STARD9: variants seen among roughly 807,000 people sequenced by gnomAD.
STARD9 encodes the protein StAR related lipid transfer domain containing 9, also known as stAR-related lipid transfer protein 9.
STARD9 carries 346 observed loss-of-function variants against 399.8 expected under a neutral mutation model. The observed-to-expected ratio is 0.87, with a 90% CI of 0.79 to 0.95. The LOEUF is 0.95. Among genes scored for constraint, STARD9 ranks in the 40% least tolerant of loss-of-function variants. The pLI, the probability that STARD9 is intolerant of heterozygous loss-of-function variation, is 0.00. For synonymous variants in STARD9, 2,203 were observed against 2,143.5 expected (o/e 1.03, Z -0.77); for missense variants, 5,832 against 5,667.5 (o/e 1.03, Z -0.93).
intron 26 of STARD9, among the ~76,000 whole-genome samples, chr15:42,714,608 C>G (rs1358811055): frequency 1.3e-5 from 2 of 152,106 alleles, no homozygotes; most frequent in Middle Eastern, 3.4e-3. Context: ...TTCCTTGATT[C>G]AATTGTTGAG....
chr15:42,695,280 A>G lies in STARD9; in HGVS notation c.13103A>G (p.Glu4368Gly), dbSNP rs1254032832. ...CAACTGCGGGAGCGGACTGAACAAG[A>G]GAAGCTGAGAATCCACCAGAAGATC... ...RDQLRERTEQ[E>G]KLRIHQKIIS... Residue 4368 changes from glutamate (E) to glycine (G), a missense_variant, in exon 25 of 33, where the codon GAG becomes GGG. Glu to Gly is a moderately conservative substitution (Grantham distance 98). Around this residue, in one of 2 missense-constraint regions of STARD9, gnomAD observed 5,828 missense variants for 5,651.1 expected, o/e 1.03. Coordinates refer to ENST00000290607, the MANE Select transcript of STARD9 (RefSeq NM_020759.3). The G allele has an allele frequency of 6.5e-7, 1 of 1,536,940 alleles. No individual in the cohort carries two copies. Among genetic ancestry groups the G allele is most frequent in the South Asian group, 1.2e-5 (1 of 84,014 alleles).
chr15:42,700,422 C>T lies in STARD9; in HGVS notation c.13284+4542C>T, dbSNP rs981333207. 5.3e-5 allele frequency among the ~76,000 whole-genome samples: 8 copies of T among 152,172 alleles called. No homozygotes were observed. The East Asian group carries it at 7.7e-4, about 15-fold the overall frequency. On this transcript the variant is annotated intron_variant, in intron 26 of 32. Coordinates refer to ENST00000290607, the MANE Select transcript of STARD9 (RefSeq NM_020759.3). ...GCAGTGTATAAGAGTTCCCCTTTGT[C>T]GACATCCTTACCAGCATTTGTTGTT...
Position 42,712,387 on chromosome 15 carries a change from T to G in STARD9, c.13285-4290T>G, listed in dbSNP as rs1018679884. 2.0e-5 allele frequency among the ~76,000 whole-genome samples: 3 copies of G among 151,378 alleles called. No homozygotes were observed. In the South Asian group the frequency reaches 6.2e-4, roughly 31 times the overall value. ...TTTGGTTTCATATCTAAGAAACGAG[T>G]GCCTAATCCAGGATCACAAAGATTA... On this transcript the variant is annotated intron_variant, in intron 26 of 32. Coordinates refer to ENST00000290607, the MANE Select transcript of STARD9 (RefSeq NM_020759.3).
In STARD9 at chr15:42,694,529, CAAA is replaced by C. The variant is rs771914496; in HGVS notation, c.12771_12773del (p.Lys4258del). ...TCAGCGAATCGTGTTTTGCCTCAGGCAAAAAAAGGCCATTGAGACCCTCAGGAG... is the reference window on the plus strand; with the variant it reads ...TCAGCGAATCGTGTTTTGCCTCAGGCAAAAGGCCATTGAGACCCTCAGGAG... On this transcript the variant is annotated inframe_deletion and splice_region_variant, in exon 24 of 33. Coordinates refer to ENST00000290607, the MANE Select transcript of STARD9 (RefSeq NM_020759.3). The C allele has an allele frequency of 4.6e-6, 7 of 1,536,436 alleles. No individual in the cohort carries two copies. In the East Asian group the frequency reaches 7.3e-5, roughly 16 times the overall value.
At position 42,652,529 on chromosome 15, in the gene STARD9, A is replaced by G; in HGVS notation, c.639A>G (p.Ala213=). The G allele has an allele frequency of 1.3e-6, 2 of 1,537,478 alleles. No homozygotes were observed. The highest frequency in any genetic ancestry group is 1.7e-6 in the Non-Finnish European group (2 of 1,146,952). Residue 213 remains alanine (A), a synonymous_variant, in exon 9 of 33, where the codon GCA becomes GCG. Transcript: ENST00000290607. ...LEEGIANRIT[A]ATHVHEASSR... ...TTCCTTGTATACACAGAATCACAGC[A>G]GCCACCCATGTTCATGAGGCCAGCA... is the stretch of plus-strand genomic sequence containing the variant.
At chr15:42,696,974 C>T (rs892469907) in intron 26 of STARD9, among the ~76,000 whole-genome samples, 2 of 152,122 alleles carry the variant, frequency 1.3e-5, no homozygotes, top group African/African-American at 4.8e-5. Flanking sequence ...TAAGATCTGG[C>T]TGGGGATGAA....
chr15:42,702,410 G>A (rs1173453311), intron 26 of STARD9, among the ~76,000 whole-genome samples: 1 of 152,068 alleles, frequency 6.6e-6, no homozygotes, highest in Non-Finnish European at 1.5e-5. Flanking sequence ...CGCTATGTTG[G>A]CCAGGCTGGT....
rs2060500894 is a variant in STARD9 at position 42,684,425 on chromosome 15, A to T, written c.2847A>T (p.Leu949Phe). The T allele has an allele frequency of 6.5e-7, 1 of 1,537,106 alleles. No individual in the cohort carries two copies. ...CCCATCAGATGGTGAGCCAGGGCTT[A>T]GCATCTCTGAGGAAATCAGCTAACA... is the stretch of plus-strand genomic sequence containing the variant. ...KQPHQMVSQG[L>F]ASLRKSANKL... The change falls in exon 23 of 33, where the codon TTA becomes TTT. Residue 949 changes from leucine (L) to phenylalanine (F), a missense_variant. Coordinates refer to ENST00000290607, the MANE Select transcript of STARD9 (RefSeq NM_020759.3).
chr15:42,656,610 TGTG>T (rs2059878358), intron 9 of STARD9, among the ~76,000 whole-genome samples: 1 of 152,032 alleles, frequency 6.6e-6, no homozygotes, highest in African/African-American at 2.4e-5. Context: ...TTAAAGAAAA[TGTG>T]GTGTATGTAT....
chr15:42,626,657 C>T (rs555643912), intron 3 of STARD9, among the ~76,000 whole-genome samples: 7 of 151,796 alleles, frequency 4.6e-5, no homozygotes, highest in East Asian at 1.9e-4. Flanking sequence ...TGCGCCACCA[C>T]GCTCAGCTAA....
At chr15:42,581,171 C>T in intron 1 of STARD9, 1 of 761,588 alleles carries the variant, frequency 1.3e-6, no homozygotes, top group Non-Finnish European at 2.4e-6. Flanking sequence ...CTGCATGTTT[C>T]CTGTCATGAT....
In STARD9 at chr15:42,691,640, G is replaced by A. The variant is rs1159450482; in HGVS notation, c.10062G>A (p.Gly3354=). The change falls in exon 23 of 33, where the codon GGG becomes GGA. Residue 3354 remains glycine, a synonymous_variant. Transcript: ENST00000290607. ...PPSPTDEDTQ[G]PNRLWNPHLR... Reference sequence around the variant, plus strand: ...CCCCTACAGACGAAGATACACAGGGGCCTAACAGATTGTGGAACCCACATC... The same window carrying A: ...CCCCTACAGACGAAGATACACAGGGACCTAACAGATTGTGGAACCCACATC... 1 of 1,537,284 alleles carries A rather than the reference G, an allele frequency of 6.5e-7. No homozygotes were observed. The highest frequency in any genetic ancestry group is 1.2e-5 in the South Asian group (1 of 84,062).
At position 42,662,781 on chromosome 15, in the gene STARD9, G is replaced by C; in HGVS notation, c.771-13G>C. 1 of 1,528,058 alleles carries C rather than the reference G, an allele frequency of 6.5e-7. No individual in the cohort carries two copies. Among genetic ancestry groups the C allele is most frequent in the African/African-American group, 1.4e-5 (1 of 72,928 alleles). 94.7% of individuals were successfully genotyped at this position (1,528,058 alleles called of 1,614,324 possible). A position where few individuals can be genotyped will look rare whatever the true frequency, so the allele number is the denominator to read the frequency against. ...TTTGCTTTTGTTTTTGTTTTTCATT[G>C]ACTGTGTTTTAGCGAAAGAGCAGAT... On this transcript the variant is annotated splice_polypyrimidine_tract_variant and intron_variant, in intron 10 of 32. Coordinates refer to ENST00000290607, the MANE Select transcript of STARD9 (RefSeq NM_020759.3).
rs912419708 is a variant in STARD9, at chr15:42,689,528, G to A, written c.7950G>A (p.Leu2650=). 6.5e-7 allele frequency: 1 copy of A among 1,537,230 alleles called. No homozygotes were observed. The highest frequency in any genetic ancestry group is 8.7e-7 in the Non-Finnish European group (1 of 1,146,908). The change falls in exon 23 of 33, where the codon CTG becomes CTA. Residue 2650 remains leucine, a synonymous_variant. Transcript: ENST00000290607. ...TGTCTGCAGACAGCTTTGAATCTCT[G>A]CCCAATACGGAAACTGACAGAGAGC... ...TSLSADSFES[L]PNTETDREPW...
chr15:42,669,083 T>C, intron 15 of STARD9, 75 bp from the exon 16 acceptor site: 1 of 1,266,966 alleles, frequency 7.9e-7, no homozygotes, highest in Non-Finnish European at 1.1e-6. Flanking sequence ...GAAATAGGAA[T>C]AGATTGTAAT....
intron 3 of STARD9, among the ~76,000 whole-genome samples, chr15:42,587,008 C>G (rs1364721202): frequency 6.6e-6 from 1 of 151,748 alleles, no homozygotes; most frequent in Non-Finnish European, 1.5e-5. Context: ...GGTGTGTGCC[C>G]CCATGCCCAG....
At chr15:42,622,229 T>C (rs2059106988) in intron 3 of STARD9, among the ~76,000 whole-genome samples, 1 of 152,088 alleles carries the variant, frequency 6.6e-6, no homozygotes, top group South Asian at 2.1e-4. Flanking sequence ...GCTGTGATTG[T>C]ACCACTGCAC....
At chr15:42,651,445 G>A (rs1232059686) in intron 8 of STARD9, among the ~76,000 whole-genome samples, 2 of 152,092 alleles carry the variant, frequency 1.3e-5, no homozygotes, top group Non-Finnish European at 2.9e-5. Context: ...TAGTGTAAAA[G>A]GTTCATAAAA....
At chr15:42,630,009 T>C (rs936906522) in intron 3 of STARD9, 1 of 146,562 alleles carries the variant, frequency 6.8e-6, no homozygotes, top group Non-Finnish European at 1.5e-5. Context: ...TCTTTTTTTT[T>C]TTTTTTTTTT....
Sources: allele counts gnomAD v4.1 joint callset (sites outside exome capture counted in the v4.1 genomes callset), GRCh38; gene constraint gnomAD v4.1.1; regional missense constraint gnomAD v4.1.1; transcripts MANE v1.5; gene names NCBI Gene and HGNC (gene_info 2026-07-23, HGNC 2026-07-21).